The following EDIL3 variants were observed in gnomAD, a reference collection of about 807,000 sequenced individuals.
EDIL3 encodes EGF-like repeat and discoidin I-like domain-containing protein 3.
EDIL3 carries 37 observed loss-of-function variants against 67.4 expected under a neutral mutation model. That is an observed-to-expected ratio of 0.55 (90% CI 0.42 to 0.72). EDIL3 has a LOEUF of 0.72. Among genes scored for constraint, EDIL3 ranks in the 30% least tolerant of loss-of-function variants. The pLI, the probability that EDIL3 is intolerant of heterozygous loss-of-function variation, is 0.00. For missense variants in EDIL3, 527 were observed against 586.3 expected, an observed-to-expected ratio of 0.90 and a Z score of 1.04; for synonymous variants, 195 against 196.3, an observed-to-expected ratio of 0.99 and a Z score of 0.05.
At chr5:84,037,316 C>T (rs1181216388) in intron 9 of EDIL3, among the ~76,000 whole-genome samples, 1 of 152,094 alleles carries the variant, frequency 6.6e-6, no homozygotes, top group African/African-American at 2.4e-5. Flanking sequence ...GCTGATCTCC[C>T]CATTTTCTTT....
At chr5:84,160,139 A>C (rs1748577485) in intron 4 of EDIL3, among the ~76,000 whole-genome samples, 1 of 152,144 alleles carries the variant, frequency 6.6e-6, no homozygotes, top group African/African-American at 2.4e-5. Context: ...GAACCTTTGT[A>C]CTGGTTTTTT....
At chr5:84,050,015 C>A (rs12655149) in intron 9 of EDIL3, among the ~76,000 whole-genome samples, 1 of 151,540 alleles carries the variant, frequency 6.6e-6, no homozygotes, top group Non-Finnish European at 1.5e-5. Flanking sequence ...CTGGCTAACA[C>A]GGTGAAACCC....
intron 9 of EDIL3, among the ~76,000 whole-genome samples, chr5:84,038,770 C>T (rs902872342): frequency 6.6e-6 from 1 of 152,204 alleles, no homozygotes; most frequent in Non-Finnish European, 1.5e-5. Flanking sequence ...GCTAGGGACA[C>T]AAAGTGTCCT....
intron 6 of EDIL3, among the ~76,000 whole-genome samples, chr5:84,090,453 T>A (rs1032657032): frequency 2.0e-5 from 3 of 152,160 alleles, no homozygotes; most frequent in African/African-American, 4.8e-5. Flanking sequence ...ATTTCTACAT[T>A]TTCTCGGGAT....
At chr5:84,093,841 G>T (rs1747211538) in intron 6 of EDIL3, among the ~76,000 whole-genome samples, 1 of 151,826 alleles carries the variant, frequency 6.6e-6, no homozygotes, top group Non-Finnish European at 1.5e-5. Context: ...TGTATTTTTA[G>T]TAGAGACGGG....
intron 1 of EDIL3, among the ~76,000 whole-genome samples, chr5:84,262,402 G>A (rs2112085625): frequency 6.6e-6 from 1 of 152,076 alleles, no homozygotes; most frequent in South Asian, 2.1e-4. Context: ...TTAATTGGGA[G>A]AAAGGCAAAT....
intron 1 of EDIL3, among the ~76,000 whole-genome samples, chr5:84,265,114 G>A (rs571963305): frequency 1.3e-5 from 2 of 151,968 alleles, no homozygotes; most frequent in Admixed American, 6.6e-5. Context: ...CAGGCAGAAA[G>A]GTATGTAATG....
chr5:84,292,773 C>T (rs1745949422), intron 1 of EDIL3, among the ~76,000 whole-genome samples: 2 of 152,132 alleles, frequency 1.3e-5, no homozygotes, highest in African/African-American at 2.4e-5. Context: ...GAGAAACACA[C>T]TCACCCACCC....
intron 5 of EDIL3, among the ~76,000 whole-genome samples, chr5:84,123,723 T>A (rs879460268): frequency 8.6e-5 from 13 of 151,896 alleles, no homozygotes; most frequent in Non-Finnish European, 1.5e-4. Flanking sequence ...AAAAACATCA[T>A]TTCAATGAGT....
At chr5:84,075,904 AC>A (rs1438912660) in intron 6 of EDIL3, among the ~76,000 whole-genome samples, 1 of 149,302 alleles carries the variant, frequency 6.7e-6, no homozygotes, top group East Asian at 2.0e-4. Context: ...ACACACACAC[AC>A]ACACACACAC....
Position 83,999,911 on chromosome 5 carries a change from A to G in EDIL3, c.1138-36551T>C, listed in dbSNP as rs1745299554. Among the ~76,000 whole-genome samples, 5 of 152,242 alleles carry G rather than the reference A, an allele frequency of 3.3e-5. No homozygotes were observed. In the South Asian group the frequency reaches 1.0e-3, roughly 32 times the overall value. The stretch of plus-strand genomic sequence containing the variant: ...TGAAAGCAGCAAGTGAAAAGAAACA[A>G]CACACAGTGGAGCTCCAAAACATCT... On this transcript the variant is annotated intron_variant, in intron 9 of 10. Transcript: ENST00000296591.
intron 3 of EDIL3, among the ~76,000 whole-genome samples, chr5:84,192,222 T>C (rs1198364966): frequency 6.6e-6 from 1 of 151,720 alleles, no homozygotes; most frequent in Non-Finnish European, 1.5e-5. Context: ...GATAGTGTCC[T>C]AACTGATCTC....
At chr5:84,273,649 C>T (rs1455947646) in intron 1 of EDIL3, among the ~76,000 whole-genome samples, 1 of 152,172 alleles carries the variant, frequency 6.6e-6, no homozygotes, top group Non-Finnish European at 1.5e-5. Context: ...CCTAAAACTT[C>T]TCAACCACAC....
chr5:84,013,332 T>TA (rs1745548474), intron 9 of EDIL3, among the ~76,000 whole-genome samples: 1 of 152,238 alleles, frequency 6.6e-6, no homozygotes, highest in East Asian at 1.9e-4. Flanking sequence ...TTTATTAGGC[T>TA]AACTTGGTCT....
Position 84,106,661 on chromosome 5 carries a change from C to T in EDIL3, c.639G>A (p.Trp213Ter). The change falls in exon 6 of 11, where the codon TGG becomes TGA. Residue 213 changes from tryptophan (W) to a stop codon, truncating the protein, a stop_gained. Coordinates refer to ENST00000296591, the MANE Select transcript of EDIL3 (RefSeq NM_005711.5). LOFTEE classifies it high-confidence loss of function. ...NAWTAAENDR[W>*]PWIQINLQRK... ...TCCCATCTGTTACCTGAATCCACGGCCATCTGTCATTTTCTGCAGCTGTCC... is the reference window on the plus strand; with the variant it reads ...TCCCATCTGTTACCTGAATCCACGGTCATCTGTCATTTTCTGCAGCTGTCC... 1 of 1,604,128 alleles carries T rather than the reference C, an allele frequency of 6.2e-7. No homozygotes were observed. Among genetic ancestry groups the T allele is most frequent in the Non-Finnish European group, 8.5e-7 (1 of 1,176,372 alleles).
At chr5:84,146,154 C>T (rs1054609051) in intron 4 of EDIL3, among the ~76,000 whole-genome samples, 1 of 152,130 alleles carries the variant, frequency 6.6e-6, no homozygotes, top group Non-Finnish European at 1.5e-5. Context: ...CATCCTTCCA[C>T]TTGTAGATTA....
intron 2 of EDIL3, among the ~76,000 whole-genome samples, chr5:84,235,377 T>C (rs1156610303): frequency 6.6e-6 from 1 of 152,194 alleles, no homozygotes; most frequent in Non-Finnish European, 1.5e-5. Flanking sequence ...ATAATCAAAA[T>C]GTTTCCATTC....
intron 3 of EDIL3, among the ~76,000 whole-genome samples, chr5:84,229,404 C>G (rs1402919866): frequency 6.6e-6 from 1 of 152,048 alleles, no homozygotes; most frequent in Non-Finnish European, 1.5e-5. Context: ...ACCCTTAAGC[C>G]TAGTGAATAT....
intron 9 of EDIL3, among the ~76,000 whole-genome samples, chr5:83,996,823 G>A (rs1366127155): frequency 6.6e-6 from 1 of 152,188 alleles, no homozygotes; most frequent in African/African-American, 2.4e-5. Context: ...AAAAGCATTA[G>A]CATTGTCTAG....
Sources: allele counts gnomAD v4.1 joint callset (sites outside exome capture counted in the v4.1 genomes callset), GRCh38; gene constraint gnomAD v4.1.1; transcripts MANE v1.5; gene names NCBI Gene and HGNC (gene_info 2026-07-23, HGNC 2026-07-21).